Variants in EYS observed in about 807,000 individuals in gnomAD.
EYS encodes the protein protein eyes shut homolog.
EYS carries 250 observed loss-of-function variants against 282.1 expected under a neutral mutation model. The ratio of observed to expected loss-of-function variants is 0.89; its 90% confidence interval spans 0.80 to 0.98. EYS has a LOEUF of 0.98. Ranked by LOEUF, EYS falls within the 50% of genes least tolerant of loss-of-function variation. The probability of loss-of-function intolerance (pLI) is 0.00; values close to 1 mark genes in which losing one functional copy is unlikely to be tolerated. For synonymous variants in EYS, 1,355 were observed against 1,282.9 expected (o/e 1.06, Z -1.20); for missense variants, 4,016 against 3,709.0 (o/e 1.08, Z -2.15).
chr6:64,929,004 G>C (rs1388316095), intron 15 of EYS, among the ~76,000 whole-genome samples: 3 of 152,086 alleles, frequency 2.0e-5, no homozygotes, highest in Non-Finnish European at 4.4e-5. Context: ...AAGGTGTTGG[G>C]GTTGAATTGT....
chr6:65,687,414 G>C (rs1179480214), intron 1 of EYS, among the ~76,000 whole-genome samples: 2 of 151,944 alleles, frequency 1.3e-5, no homozygotes, highest in African/African-American at 2.4e-5. Flanking sequence ...GACATATCAA[G>C]GTCAAATAAC....
At chr6:65,402,036 G>A (rs1766526389) in intron 7 of EYS, among the ~76,000 whole-genome samples, 1 of 151,802 alleles carries the variant, frequency 6.6e-6, no homozygotes. Flanking sequence ...ATTCCTAAAA[G>A]TCTGCCTAAA....
chr6:64,670,491 G>A (rs1371093318), intron 22 of EYS, among the ~76,000 whole-genome samples: 5 of 151,976 alleles, frequency 3.3e-5, no homozygotes, highest in East Asian at 1.9e-4. Flanking sequence ...AGGCAGAACC[G>A]TGTTACGTTT....
chr6:64,822,061 G>A (rs539664352), intron 20 of EYS, among the ~76,000 whole-genome samples: 7 of 152,130 alleles, frequency 4.6e-5, no homozygotes, highest in African/African-American at 1.7e-4. Flanking sequence ...TCTCTTCCCT[G>A]CTTACAAAGT....
chr6:64,775,673 G>C (rs1773657807), intron 22 of EYS, among the ~76,000 whole-genome samples: 1 of 151,956 alleles, frequency 6.6e-6, no homozygotes, highest in Non-Finnish European at 1.5e-5. Context: ...GCAGTTGGAA[G>C]TCAGGACCAC....
chr6:65,135,611 C>A (rs1381745336), intron 12 of EYS, among the ~76,000 whole-genome samples: 1 of 151,848 alleles, frequency 6.6e-6, no homozygotes, highest in Admixed American at 6.6e-5. Flanking sequence ...TAAACACTTA[C>A]AAGTCTGTTA....
At chr6:65,163,839 T>C (rs1764907238) in intron 12 of EYS, among the ~76,000 whole-genome samples, 1 of 151,322 alleles carries the variant, frequency 6.6e-6, no homozygotes, top group Non-Finnish European at 1.5e-5. Flanking sequence ...TGTTTATGCA[T>C]TGTCCATGAC....
intron 26 of EYS, among the ~76,000 whole-genome samples, chr6:64,491,291 CTTAT>C (rs1448573884): frequency 6.6e-6 from 1 of 150,800 alleles, no homozygotes; most frequent in Non-Finnish European, 1.5e-5. Context: ...ACCACAACTC[CTTAT>C]TTAACTATGG....
At chr6:64,763,275 C>A (rs1001161262) in intron 22 of EYS, among the ~76,000 whole-genome samples, 7 of 152,096 alleles carry the variant, frequency 4.6e-5, no homozygotes, top group African/African-American at 7.2e-5. Context: ...AAGTTTAATT[C>A]ACTCACTGTT....
intron 2 of EYS, among the ~76,000 whole-genome samples, chr6:65,553,328 A>G (rs7452712): frequency 0.55 from 83,478 of 151,970 alleles, 22,965 homozygotes; most frequent in East Asian, 0.71. Flanking sequence ...GGTTCCTTTC[A>G]TGGGATATAG....
chr6:64,148,428 T>A (rs1465289440), intron 31 of EYS, among the ~76,000 whole-genome samples: 1 of 152,162 alleles, frequency 6.6e-6, no homozygotes, highest in East Asian at 1.9e-4. Flanking sequence ...CCTTATTACT[T>A]CTTTTCATAC....
At chr6:63,726,225 T>C (rs750156667) in intron 42 of EYS, among the ~76,000 whole-genome samples, 5 of 152,158 alleles carry the variant, frequency 3.3e-5, no homozygotes, top group Non-Finnish European at 7.4e-5. Flanking sequence ...ATATTTTGTC[T>C]CCTTTGACAT....
chr6:63,994,967 A>G (rs1023672659), intron 34 of EYS, among the ~76,000 whole-genome samples: 1 of 151,956 alleles, frequency 6.6e-6, no homozygotes, highest in African/African-American at 2.4e-5. Context: ...AGTTTTGACA[A>G]TGATTTCTTG....
At chr6:64,077,698 G>T (rs906947473) in intron 32 of EYS, among the ~76,000 whole-genome samples, 1 of 151,942 alleles carries the variant, frequency 6.6e-6, no homozygotes, top group Admixed American at 6.6e-5. Context: ...TCTTTTCAAA[G>T]AAGCAGCACA....
intron 31 of EYS, among the ~76,000 whole-genome samples, chr6:64,219,883 G>A (rs932596061): frequency 1.4e-4 from 22 of 151,842 alleles, no homozygotes; most frequent in African/African-American, 5.1e-4. Flanking sequence ...CCTTTATAGG[G>A]ACATGGATGA....
At chr6:64,897,461 A>G (rs1176216977) in intron 18 of EYS, among the ~76,000 whole-genome samples, 1 of 152,200 alleles carries the variant, frequency 6.6e-6, no homozygotes, top group Non-Finnish European at 1.5e-5. Context: ...TACCAACAGC[A>G]AAGACCAAAG....
intron 26 of EYS, among the ~76,000 whole-genome samples, chr6:64,535,468 T>G (rs1379323691): frequency 6.6e-6 from 1 of 151,986 alleles, no homozygotes; most frequent in African/African-American, 2.4e-5. Context: ...CCAGGCACAG[T>G]GGCTCACGCC....
chr6:64,240,805 A>G (rs531417167), intron 30 of EYS, among the ~76,000 whole-genome samples: 1 of 152,090 alleles, frequency 6.6e-6, no homozygotes, highest in African/African-American at 2.4e-5. Flanking sequence ...AGGGGTGGTG[A>G]GAGAGGGCAG....
intron 35 of EYS, among the ~76,000 whole-genome samples, chr6:63,928,578 G>A (rs1310790983): frequency 3.3e-5 from 5 of 152,052 alleles, no homozygotes; most frequent in Admixed American, 6.6e-5. Context: ...AGGTGCTGAG[G>A]TGGGCATGAT....
Sources: allele counts gnomAD v4.1 joint callset (sites outside exome capture counted in the v4.1 genomes callset), GRCh38; gene constraint gnomAD v4.1.1; transcripts MANE v1.5; gene names NCBI Gene and HGNC (gene_info 2026-07-23, HGNC 2026-07-21).